CDH13: variants seen among roughly 807,000 people sequenced by gnomAD.
The protein encoded by CDH13 is cadherin-13.
Under a neutral mutation model 63.8 loss-of-function variants are expected in CDH13, and 24 were observed. The observed-to-expected ratio is 0.38, with a 90% CI of 0.27 to 0.53. The LOEUF (loss-of-function observed/expected upper bound fraction) is 0.53, where lower values mean the gene tolerates loss of function less well. Among genes scored for constraint, CDH13 ranks in the 20% least tolerant of loss-of-function variants. The pLI, the probability that CDH13 is intolerant of heterozygous loss-of-function variation, is 0.85. For synonymous variants in CDH13, 503 were observed against 355.3 expected, an observed-to-expected ratio of 1.42 and a Z score of -4.67; for missense variants, 1,049 against 903.1, an observed-to-expected ratio of 1.16 and a Z score of -2.07.
intron 1 of CDH13, among the ~76,000 whole-genome samples, chr16:82,629,378 T>C (rs1907734376): frequency 1.3e-5 from 2 of 152,218 alleles, no homozygotes; most frequent in South Asian, 4.1e-4. Flanking sequence ...GTAATTGATA[T>C]CCTGGTAGCA....
chr16:82,966,812 A>G (rs537701669), intron 2 of CDH13, among the ~76,000 whole-genome samples: 1 of 152,334 alleles, frequency 6.6e-6, no homozygotes, highest in Non-Finnish European at 1.5e-5. Context: ...CTTCAGTGTG[A>G]TATTTCCCAA....
At chr16:82,893,301 A>G (rs2041145593) in intron 2 of CDH13, among the ~76,000 whole-genome samples, 1 of 152,252 alleles carries the variant, frequency 6.6e-6, no homozygotes, top group Non-Finnish European at 1.5e-5. Context: ...AAAATAGGAG[A>G]AATCCAAAAA....
rs140663770 is a variant in CDH13, at chr16:83,535,246, C to T, written c.960+48591C>T. ...TATGTGCAAGAAGAAAAGAGATGCACGGCTGGAAAGAGACACAGGCTTTTA... is the reference window on the plus strand; with the variant it reads ...TATGTGCAAGAAGAAAAGAGATGCATGGCTGGAAAGAGACACAGGCTTTTA... On this transcript the variant is annotated intron_variant, in intron 7 of 13. Coordinates refer to ENST00000567109, the MANE Select transcript of CDH13 (RefSeq NM_001257.5). Among the ~76,000 whole-genome samples the T allele has an allele frequency of 9.7e-4, 147 of 152,306 alleles. 2 individuals carry two copies. In the East Asian group the frequency reaches 0.018, roughly 19 times the overall value.
At chr16:83,082,283 G>A (rs550750940) in intron 3 of CDH13, among the ~76,000 whole-genome samples, 1 of 152,088 alleles carries the variant, frequency 6.6e-6, no homozygotes, top group African/African-American at 2.4e-5. Flanking sequence ...AGCCCAAAAA[G>A]TCTTAACTCG....
chr16:83,237,022 C>G (rs182098268), intron 5 of CDH13, among the ~76,000 whole-genome samples: 92 of 152,164 alleles, frequency 6.0e-4, no homozygotes, highest in African/African-American at 2.2e-3. Flanking sequence ...ACAGGAAAAC[C>G]CAGGTGTGAG....
intron 6 of CDH13, among the ~76,000 whole-genome samples, chr16:83,461,809 A>G (rs2073188441): frequency 6.6e-6 from 1 of 152,186 alleles, no homozygotes; most frequent in Non-Finnish European, 1.5e-5. Context: ...AATGTATAAG[A>G]GCTATAGTGG....
intron 7 of CDH13, among the ~76,000 whole-genome samples, chr16:83,502,551 A>G (rs1040787898): frequency 6.6e-6 from 1 of 152,178 alleles, no homozygotes; most frequent in Non-Finnish European, 1.5e-5. Flanking sequence ...TTACAGCAGC[A>G]ATAGGAAATG....
chr16:83,091,110 A>G (rs2033885082), intron 3 of CDH13, among the ~76,000 whole-genome samples: 1 of 152,164 alleles, frequency 6.6e-6, no homozygotes. Context: ...AAGCCACAAT[A>G]TTTGTAAACA....
rs951204112 is a variant in CDH13, at chr16:83,783,443, T to TCATGCTCCTCAGC, written c.2106_2107insATGCTCCTCAGCC (p.Leu703MetfsTer22). 6.2e-7 allele frequency: 1 copy of TCATGCTCCTCAGC among 1,613,812 alleles called. No individual in the cohort carries two copies. ...GCCCTGCGCTTCAGCCTGCCCTCAGTCCTGCTCCTCAGCCTCTTCAGCTTA... is the reference window on the plus strand; with the variant it reads ...GCCCTGCGCTTCAGCCTGCCCTCAGTCATGCTCCTCAGCCCTGCTCCTCAGCCTCTTCAGCTTA... On this transcript the variant is annotated frameshift_variant, in exon 13 of 14. Transcript: ENST00000567109. LOFTEE classifies it high-confidence loss of function.
At chr16:83,742,458 A>C (rs964433160) in intron 10 of CDH13, among the ~76,000 whole-genome samples, 3 of 152,196 alleles carry the variant, frequency 2.0e-5, no homozygotes, top group African/African-American at 7.2e-5. Context: ...AGCAAAGTTC[A>C]CATTACAGAT....
chr16:83,100,112 C>A (rs191485586), intron 3 of CDH13, among the ~76,000 whole-genome samples: 1 of 152,130 alleles, frequency 6.6e-6, no homozygotes, highest in African/African-American at 2.4e-5. Flanking sequence ...TCATTCAATT[C>A]GTGTGCTGTC....
chr16:83,534,844 A>C (rs551242391), intron 7 of CDH13, among the ~76,000 whole-genome samples: 1 of 152,306 alleles, frequency 6.6e-6, no homozygotes, highest in East Asian at 1.9e-4. Context: ...CACACCCAAA[A>C]TTGGGTCATC....
At chr16:83,404,927 C>T (rs987235167) in intron 6 of CDH13, among the ~76,000 whole-genome samples, 8 of 152,086 alleles carry the variant, frequency 5.3e-5, no homozygotes, top group African/African-American at 9.7e-5. Context: ...CAAAAACATT[C>T]GTTAGGTTGT....
Position 83,055,570 on chromosome 16 carries a change from A to G in CDH13, c.366+23352A>G, listed in dbSNP as rs556781891. 7.9e-5 allele frequency among the ~76,000 whole-genome samples: 12 copies of G among 152,124 alleles called. 1 individual carries two copies. The highest frequency in any genetic ancestry group is 1.5e-4 in the Non-Finnish European group (10 of 67,916). ...TACCAAAGCATACCAAAAAAAAAGA[A>G]ATATAAAATCTGGTAAGTTCTACAT... On this transcript the variant is annotated intron_variant, in intron 3 of 13. Coordinates refer to ENST00000567109, the MANE Select transcript of CDH13 (RefSeq NM_001257.5).
Position 82,627,215 on chromosome 16 carries a change from G to T in CDH13, c.45+78G>T, listed in dbSNP as rs1234621706. 3.9e-6 allele frequency: 5 copies of T among 1,284,368 alleles called. No homozygotes were observed. The African/African-American group carries it at 7.3e-5, about 19-fold the overall frequency. The allele number at this position is 1,284,368 out of a possible 1,614,324, so 79.6% of individuals were successfully genotyped here. A position where few individuals can be genotyped will look rare whatever the true frequency, so the allele number is the denominator to read the frequency against. ...TCGCCCGGCACGGGCAGGGTGAGGG[G>T]GCTTTCGGGGGGTCGGGGCCTCCGG... is the stretch of plus-strand genomic sequence containing the variant. On this transcript the variant is annotated intron_variant, in intron 1 of 13. Coordinates refer to ENST00000567109, the MANE Select transcript of CDH13 (RefSeq NM_001257.5).
intron 5 of CDH13, among the ~76,000 whole-genome samples, chr16:83,325,421 G>C (rs935176539): frequency 6.6e-6 from 1 of 152,092 alleles, no homozygotes; most frequent in Non-Finnish European, 1.5e-5. Context: ...TTTTCACTGA[G>C]TAATATAGCA....
Position 83,125,475 on chromosome 16 carries a change from C to G in CDH13, c.457C>G (p.Gln153Glu), listed in dbSNP as rs760418496. ...CATTTTAATTCCAGAGAATCAGAGACAGCCTTTCCCAAGAGATGTTGGCAA... is the reference window on the plus strand; with the variant it reads ...CATTTTAATTCCAGAGAATCAGAGAGAGCCTTTCCCAAGAGATGTTGGCAA... ...SPILIPENQR[Q>E]PFPRDVGKVV... The change falls in exon 4 of 14, where the codon CAG becomes GAG. Residue 153 changes from glutamine to glutamate, a missense_variant. Gln to Glu is a conservative substitution (Grantham distance 29). Transcript: ENST00000567109. 2.9e-5 allele frequency: 46 copies of G among 1,604,918 alleles called. No homozygotes were observed.
intron 11 of CDH13, among the ~76,000 whole-genome samples, chr16:83,777,904 T>C (rs1951883315): frequency 6.6e-6 from 1 of 152,238 alleles, no homozygotes; most frequent in African/African-American, 2.4e-5. Flanking sequence ...ATAGGTTAGA[T>C]TAGTACTGTA....
rs946133578 is a variant in CDH13 at position 83,334,371 on chromosome 16, A to T, written c.637-10491A>T. Among the ~76,000 whole-genome samples the T allele has an allele frequency of 2.0e-4, 24 of 122,366 alleles. No homozygotes were observed. In the South Asian group the frequency reaches 3.5e-3, roughly 18 times the overall value. The allele number at this position is 122,366 out of a possible 152,430, so 80.3% of individuals were successfully genotyped here. A position where few individuals can be genotyped will look rare whatever the true frequency, so the allele number is the denominator to read the frequency against. ...CTCTCTCTCTCTCTCTCACACACAC[A>T]CACACACACACACACACACACACAG... On this transcript the variant is annotated intron_variant, in intron 5 of 13. Coordinates refer to ENST00000567109, the MANE Select transcript of CDH13 (RefSeq NM_001257.5).
Sources: allele counts gnomAD v4.1 joint callset (sites outside exome capture counted in the v4.1 genomes callset), GRCh38; gene constraint gnomAD v4.1.1; transcripts MANE v1.5; gene names NCBI Gene and HGNC (gene_info 2026-07-23, HGNC 2026-07-21).